CNBD1: variants seen among roughly 807,000 people sequenced by gnomAD.
CNBD1 encodes the protein cyclic nucleotide binding domain containing 1.
Under a neutral mutation model 54.4 loss-of-function variants are expected in CNBD1, and 71 were observed. The ratio of observed to expected loss-of-function variants is 1.30; its 90% confidence interval spans 1.08 to 1.59. The LOEUF is 1.59. Among genes scored for constraint, CNBD1 ranks in the 40% most tolerant of loss-of-function variants. CNBD1 has a pLI of 0.00. For missense variants in CNBD1, 659 were observed against 518.0 expected (o/e 1.27, Z -2.64); for synonymous variants, 182 against 170.7 (o/e 1.07, Z -0.51).
intron 4 of CNBD1, among the ~76,000 whole-genome samples, chr8:87,061,195 C>T (rs1212790280): frequency 1.3e-5 from 2 of 152,208 alleles, no homozygotes; most frequent in Non-Finnish European, 2.9e-5. Context: ...TCAACACTCA[C>T]CAATCGGTGC....
At position 87,201,199 on chromosome 8, in the gene CNBD1, G is replaced by GA. The variant is rs576914805; in HGVS notation, c.432-4787dup. On this transcript the variant is annotated intron_variant, in intron 4 of 10. Coordinates refer to ENST00000518476, the MANE Select transcript of CNBD1 (RefSeq NM_173538.3). ...ACAAAATCCAACACCCATTCATGATGAAAAAAAGTACTCAACATAATAAGA... is the reference window on the plus strand; with the variant it reads ...ACAAAATCCAACACCCATTCATGATGAAAAAAAAGTACTCAACATAATAAGA... Among the ~76,000 whole-genome samples, 1,433 of 152,010 alleles carry GA rather than the reference G, an allele frequency of 9.4e-3. 27 individuals are homozygous for GA. The highest frequency in any genetic ancestry group is 0.033 in the African/African-American group (1,358 of 41,508).
At chr8:87,412,281 C>T (rs1807759481) in intron 2 of CNBD1, among the ~76,000 whole-genome samples, 1 of 151,950 alleles carries the variant, frequency 6.6e-6, no homozygotes, top group African/African-American at 2.4e-5. Flanking sequence ...TGTTTTCCTT[C>T]TAAATGTTAA....
chr8:87,370,042 A>G (rs568038749), intron 10 of CNBD1, among the ~76,000 whole-genome samples: 2,174 of 151,888 alleles, frequency 0.014, 51 homozygotes, highest in African/African-American at 0.047. Context: ...CCATGTCCCT[A>G]CAAAGGACAT....
At chr8:87,207,964 A>G (rs188212586) in intron 5 of CNBD1, among the ~76,000 whole-genome samples, 2 of 152,338 alleles carry the variant, frequency 1.3e-5, no homozygotes, top group East Asian at 3.9e-4. Flanking sequence ...CATTAAATAT[A>G]TGACCTTTGT....
intron 6 of CNBD1, among the ~76,000 whole-genome samples, chr8:87,248,319 C>G (rs1421610240): frequency 6.6e-6 from 1 of 152,214 alleles, no homozygotes; most frequent in Non-Finnish European, 1.5e-5. Context: ...TTTTAAACTG[C>G]AGCCTCTCCT....
chr8:87,012,409 C>T (rs1028714726), intron 4 of CNBD1, among the ~76,000 whole-genome samples: 10 of 152,180 alleles, frequency 6.6e-5, no homozygotes, highest in Admixed American at 3.3e-4. Context: ...ACTTTTGAAC[C>T]TAACTCTAGC....
intron 4 of CNBD1, among the ~76,000 whole-genome samples, chr8:87,066,133 A>G (rs1245652896): frequency 1.3e-5 from 2 of 152,012 alleles, no homozygotes; most frequent in Non-Finnish European, 2.9e-5. Context: ...GGTTCATGAA[A>G]GGTAATGTGC....
At chr8:87,353,575 A>T (rs1810350084) in intron 9 of CNBD1, 61 bp from the exon 10 acceptor site, 4 of 1,103,264 alleles carry the variant, frequency 3.6e-6, no homozygotes, top group Non-Finnish European at 5.3e-6. Flanking sequence ...TGATAAAAAC[A>T]ATACTGATTC....
chr8:87,424,568 C>G lies in CNBD1; in HGVS notation c.214-3978C>G, dbSNP rs981255903. Among the ~76,000 whole-genome samples the G allele has an allele frequency of 2.6e-5, 4 of 152,250 alleles. No homozygotes were observed. The East Asian group carries it at 5.8e-4, about 22-fold the overall frequency. Reference sequence around the variant, plus strand: ...CATTCAGGAGCAGGTTGTTCAGTTTCCATGTAGTTGCGCGTTTTTGCTGAG... The same window carrying G: ...CATTCAGGAGCAGGTTGTTCAGTTTGCATGTAGTTGCGCGTTTTTGCTGAG... On this transcript the variant is annotated intron_variant, in intron 2 of 7. Transcript: ENST00000521593.
chr8:87,377,702 G>C (rs1015404804), intron 10 of CNBD1, among the ~76,000 whole-genome samples: 9 of 142,608 alleles, frequency 6.3e-5, no homozygotes, highest in East Asian at 4.2e-4. Flanking sequence ...GGTATTTCTA[G>C]TTCTAGATCC....
At chr8:87,408,454 A>T (rs1807686462) in intron 2 of CNBD1, among the ~76,000 whole-genome samples, 1 of 152,046 alleles carries the variant, frequency 6.6e-6, no homozygotes, top group African/African-American at 2.4e-5. Flanking sequence ...AAGTGAAATA[A>T]CAGAATTCCA....
intron 8 of CNBD1, among the ~76,000 whole-genome samples, chr8:87,312,788 A>C (rs1417260349): frequency 6.6e-6 from 1 of 152,016 alleles, no homozygotes; most frequent in African/African-American, 2.4e-5. Context: ...TTTTTTCTAA[A>C]AACAAGAGAA....
At chr8:86,884,015 A>G (rs896452801) in intron 1 of CNBD1, among the ~76,000 whole-genome samples, 5 of 151,170 alleles carry the variant, frequency 3.3e-5, no homozygotes, top group Admixed American at 2.0e-4. Flanking sequence ...AGCCGGGCGT[A>G]GTGGCGGGCG....
chr8:87,106,561 A>G (rs1347758422), intron 4 of CNBD1, among the ~76,000 whole-genome samples: 1 of 152,170 alleles, frequency 6.6e-6, no homozygotes, highest in African/African-American at 2.4e-5. Context: ...TCAAATAATG[A>G]TTATTAATTT....
intron 2 of CNBD1, among the ~76,000 whole-genome samples, chr8:86,891,386 T>A (rs1178236886): frequency 6.6e-6 from 1 of 152,212 alleles, no homozygotes; most frequent in East Asian, 1.9e-4. Context: ...TTGTCAAAAA[T>A]CAATTTATTA....
chr8:87,281,973 A>C (rs1808609500), intron 6 of CNBD1, among the ~76,000 whole-genome samples: 1 of 148,912 alleles, frequency 6.7e-6, no homozygotes, highest in Non-Finnish European at 1.5e-5. Context: ...TTCTTCTAAA[A>C]ATATTTTTGG....
chr8:87,353,987 T>A (rs1260724364), intron 10 of CNBD1: 1 of 391,914 alleles, frequency 2.6e-6, no homozygotes, highest in Non-Finnish European at 4.6e-6. Flanking sequence ...TAGAGTGGGC[T>A]GGAAGGGAAC....
chr8:87,356,709 C>T (rs80060419), intron 10 of CNBD1, among the ~76,000 whole-genome samples: 1 of 152,074 alleles, frequency 6.6e-6, no homozygotes, highest in South Asian at 2.1e-4. Context: ...AGAGAAGGAA[C>T]GTGCATTTTC....
chr8:87,311,996 T>C (rs1258064046), intron 8 of CNBD1, among the ~76,000 whole-genome samples: 1 of 151,992 alleles, frequency 6.6e-6, no homozygotes, highest in Non-Finnish European at 1.5e-5. Context: ...TATTGGATAG[T>C]ATGCTTAGTA....
Sources: gnomAD v4.1 joint callset for allele counts (sites outside exome capture counted in the v4.1 genomes callset) on GRCh38, gnomAD v4.1.1 for gene constraint, MANE v1.5 for transcripts, NCBI Gene and HGNC (gene_info 2026-07-23, HGNC 2026-07-21) for gene names.